CAST: variants seen among roughly 807,000 people sequenced by gnomAD.
CAST encodes the protein calpastatin.
CAST carries 76 observed loss-of-function variants against 119.6 expected under a neutral mutation model. The ratio of observed to expected loss-of-function variants is 0.64; its 90% confidence interval spans 0.53 to 0.77. The LOEUF (loss-of-function observed/expected upper bound fraction) is 0.77, where lower values mean the gene tolerates loss of function less well. Among genes scored for constraint, CAST ranks in the 30% least tolerant of loss-of-function variants. The pLI is 0.00. For synonymous variants in CAST, 319 were observed against 331.6 expected (o/e 0.96, Z 0.41); for missense variants, 953 against 946.5 (o/e 1.01, Z -0.09).
the CAST span, among the ~76,000 whole-genome samples, chr5:95,991,150 A>G: frequency 1.3e-5 from 2 of 152,210 alleles, no homozygotes; most frequent in Non-Finnish European, 2.9e-5. Flanking sequence ...AGGACATTGG[A>G]TAATTTTCAT....
upstream of CAST, among the ~76,000 whole-genome samples, chr5:96,660,939 A>G (rs1206998966): frequency 2.0e-5 from 3 of 151,730 alleles, no homozygotes; most frequent in African/African-American, 7.3e-5. Flanking sequence ...GACAGTAAGT[A>G]CGACACTTTA....
intron 1 of CAST, among the ~76,000 whole-genome samples, chr5:96,568,116 C>CT (rs1341662288): frequency 2.0e-5 from 3 of 152,016 alleles, no homozygotes; most frequent in Admixed American, 1.3e-4. Context: ...AGTGAAGATC[C>CT]TTTCGCATTT....
the CAST span, among the ~76,000 whole-genome samples, chr5:96,245,599 A>G: frequency 2.0e-5 from 3 of 150,026 alleles, no homozygotes; most frequent in Non-Finnish European, 4.4e-5. Flanking sequence ...CAGGGCTATC[A>G]GTGTTTGCTC....
At chr5:96,491,347 C>A in the CAST span, among the ~76,000 whole-genome samples, 1 of 150,562 alleles carries the variant, frequency 6.6e-6, no homozygotes, top group Non-Finnish European at 1.5e-5. Flanking sequence ...AAAACTTAGC[C>A]GGGTGTGGTG....
the CAST span, among the ~76,000 whole-genome samples, chr5:96,226,771 C>G: frequency 1.2e-4 from 19 of 152,288 alleles, no homozygotes; most frequent in Middle Eastern, 3.4e-3. Flanking sequence ...CTTTCTCCCC[C>G]ACTTGTTCTA....
chr5:96,230,738 A>G, the CAST span, among the ~76,000 whole-genome samples: 40 of 152,284 alleles, frequency 2.6e-4, no homozygotes, highest in African/African-American at 8.9e-4. Context: ...AATATTTGTA[A>G]ATGACATATG....
chr5:96,193,302 G>A, the CAST span, among the ~76,000 whole-genome samples: 2 of 151,930 alleles, frequency 1.3e-5, no homozygotes, highest in African/African-American at 4.8e-5. Context: ...GATATCATGC[G>A]ATATTTATTG....
chr5:96,611,847 C>T (rs1580845131), intron 1 of CAST, among the ~76,000 whole-genome samples: 3 of 152,164 alleles, frequency 2.0e-5, no homozygotes, highest in African/African-American at 4.8e-5. Flanking sequence ...GAAAAATGCT[C>T]GACAACACTA....
the CAST span, among the ~76,000 whole-genome samples, chr5:96,310,477 T>A: frequency 6.6e-6 from 1 of 152,162 alleles, no homozygotes; most frequent in Admixed American, 6.5e-5. Flanking sequence ...TTCCTCTAAT[T>A]TTTTGTAAAA....
the CAST span, among the ~76,000 whole-genome samples, chr5:96,175,854 A>G: frequency 6.6e-6 from 1 of 152,258 alleles, no homozygotes; most frequent in Admixed American, 6.5e-5. Flanking sequence ...TTTCTTAAAT[A>G]TTCCTATTCC....
the CAST span, among the ~76,000 whole-genome samples, chr5:96,382,839 G>C: frequency 6.6e-6 from 1 of 152,132 alleles, no homozygotes; most frequent in Non-Finnish European, 1.5e-5. Context: ...TCCCTCCCTA[G>C]GGATGGAGGA....
the CAST span, among the ~76,000 whole-genome samples, chr5:96,282,228 A>G: frequency 5.4e-4 from 83 of 152,316 alleles, 1 homozygote; most frequent in African/African-American, 2.0e-3. Context: ...CTGGATTGCT[A>G]TAAATAACAG....
the CAST span, among the ~76,000 whole-genome samples, chr5:96,328,073 C>A: frequency 6.6e-6 from 1 of 152,188 alleles, no homozygotes; most frequent in South Asian, 2.1e-4. Context: ...TTGAAATAAT[C>A]AACTTTTGTT....
the CAST span, among the ~76,000 whole-genome samples, chr5:96,120,807 C>A: frequency 5.3e-5 from 8 of 150,552 alleles, no homozygotes; most frequent in African/African-American, 1.5e-4. Context: ...CTTGCTATAC[C>A]GATCTTCTTG....
the CAST span, among the ~76,000 whole-genome samples, chr5:96,379,303 T>G: frequency 6.6e-6 from 1 of 152,230 alleles, no homozygotes; most frequent in Non-Finnish European, 1.5e-5. Flanking sequence ...GGGTTAATTT[T>G]GGCCCTCATC....
the CAST span, among the ~76,000 whole-genome samples, chr5:96,226,462 G>C: frequency 6.6e-6 from 1 of 152,012 alleles, no homozygotes; most frequent in Non-Finnish European, 1.5e-5. Context: ...ACCGGCCTGG[G>C]CAACATGGCA....
At chr5:96,415,239 A>T in the CAST span, among the ~76,000 whole-genome samples, 10 of 152,188 alleles carry the variant, frequency 6.6e-5, no homozygotes, top group Non-Finnish European at 1.3e-4. Context: ...AACTGAAGAC[A>T]CCAGCAAGAG....
chr5:96,498,246 G>A, the CAST span, among the ~76,000 whole-genome samples: 9 of 152,218 alleles, frequency 5.9e-5, no homozygotes, highest in Non-Finnish European at 8.8e-5. Flanking sequence ...CCAGTACCAT[G>A]CTGTTTTGGT....
At chr5:96,457,623 A>G in the CAST span, among the ~76,000 whole-genome samples, 1 of 152,200 alleles carries the variant, frequency 6.6e-6, no homozygotes, top group Non-Finnish European at 1.5e-5. Flanking sequence ...TACCTGGCGT[A>G]GTCTTCTTCC....
Sources: gnomAD v4.1 joint callset for allele counts (sites outside exome capture counted in the v4.1 genomes callset) on GRCh38, gnomAD v4.1.1 for gene constraint, MANE v1.5 for transcripts, NCBI Gene and HGNC (gene_info 2026-07-23, HGNC 2026-07-21) for gene names.